The following ACACA variants were observed in gnomAD, a reference collection of about 807,000 sequenced individuals.
ACACA encodes acetyl-CoA carboxylase 1.
Under a neutral mutation model 296.1 loss-of-function variants are expected in ACACA, and 103 were observed. That is an observed-to-expected ratio of 0.35 (90% CI 0.30 to 0.41). ACACA has a LOEUF of 0.41. ACACA is among the 10% of genes least tolerant of loss of function. The pLI is 1.00. For synonymous variants in ACACA, 953 were observed against 1,038.6 expected, an observed-to-expected ratio of 0.92 and a Z score of 1.58; for missense variants, 1,554 against 2,989.7, an observed-to-expected ratio of 0.52 and a Z score of 11.20.
intron 20 of ACACA, 76 bp downstream of exon 20, chr17:37,245,004 T>G: frequency 1.9e-6 from 3 of 1,599,420 alleles, no homozygotes; most frequent in Non-Finnish European, 2.6e-6. Context: ...AACCAAGCAT[T>G]GAAATCACTT....
intron 11 of ACACA, among the ~76,000 whole-genome samples, chr17:37,260,247 G>GTC (rs2081388087): frequency 1.5e-5 from 1 of 66,216 alleles, no homozygotes; most frequent in Non-Finnish European, 2.6e-5. Flanking sequence ...TAACTCCCAA[G>GTC]TCATATATAT....
intron 10 of ACACA, among the ~76,000 whole-genome samples, chr17:37,269,046 TAA>T (rs35990848): frequency 2.0e-4 from 24 of 121,192 alleles, no homozygotes; most frequent in African/African-American, 4.1e-4. Context: ...GAAAAAAATG[TAA>T]AAAAAAAAAA....
intron 29 of ACACA, among the ~76,000 whole-genome samples, chr17:37,215,631 C>T (rs957037488): frequency 6.6e-6 from 1 of 152,084 alleles, no homozygotes; most frequent in African/African-American, 2.4e-5. Flanking sequence ...ATGCCCAAAG[C>T]TTAGTGAAAT....
intron 18 of ACACA, chr17:37,247,768 G>T (rs1598304666): frequency 3.5e-6 from 2 of 573,812 alleles, no homozygotes; most frequent in East Asian, 3.0e-5. Context: ...TTTAACAATG[G>T]TTACTTATAA....
intron 1 of ACACA, chr17:37,376,186 C>G (rs368430689): frequency 1.4e-5 from 21 of 1,550,568 alleles, no homozygotes; most frequent in Non-Finnish European, 1.4e-5. Context: ...CTGGAAAATA[C>G]AGAGAGAGGC....
In ACACA at chr17:37,181,319, A is replaced by G; in HGVS notation, c.4814T>C (p.Leu1605Pro). 6.2e-7 allele frequency: 1 copy of G among 1,614,092 alleles called. No individual in the cohort carries two copies. Among genetic ancestry groups the G allele is most frequent in the Non-Finnish European group, 8.5e-7 (1 of 1,179,988 alleles). The change falls in exon 40 of 56, where the codon CTG becomes CCG. Residue 1605 changes from leucine (L) to proline (P), a missense_variant. By Grantham distance (98) the Leu-to-Pro change is moderately conservative. This residue lies in a region of ACACA where 553 missense variants were observed against 1,043.6 expected (regional missense o/e 0.53). Transcript: ENST00000616317. The stretch of plus-strand genomic sequence containing the variant: ...TGGAGTATTGATTAACATTCCATGC[A>G]GTGGTCCCTGTTTGTCTCCATATGC... ...FQAYGDKQGP[L>P]HGMLINTPYV... is the part of the protein sequence containing the mutation.
chr17:37,348,805 C>T (rs920485095), intron 1 of ACACA, among the ~76,000 whole-genome samples: 26 of 151,284 alleles, frequency 1.7e-4, no homozygotes, highest in African/African-American at 6.1e-4. Flanking sequence ...AAAAATTAGC[C>T]GGGGGTGGTG....
intron 45 of ACACA, chr17:37,144,360 G>C: frequency 2.1e-6 from 1 of 477,714 alleles, no homozygotes. Context: ...TTGCCCCGGC[G>C]CTGTCTCTAT....
intron 1 of ACACA, among the ~76,000 whole-genome samples, chr17:37,386,435 T>C (rs1395944498): frequency 1.3e-5 from 2 of 151,984 alleles, no homozygotes; most frequent in African/African-American, 4.8e-5. Flanking sequence ...CTACTAAAAA[T>C]ACAAAAATTA....
chr17:37,130,636 A>G (rs932288124), intron 45 of ACACA, among the ~76,000 whole-genome samples: 10 of 152,270 alleles, frequency 6.6e-5, no homozygotes, highest in African/African-American at 2.2e-4. Flanking sequence ...TCATGGTTGC[A>G]ATTTTAAAAC....
At position 37,268,725 on chromosome 17, in the gene ACACA, CTATCTATCTATCTATCTATA is replaced by C. The variant is rs1425693274; in HGVS notation, c.1119+2006_1119+2025del. On this transcript the variant is annotated intron_variant, in intron 10 of 55. Transcript: ENST00000616317. ...TATATCTATATCTATATCTATCTAT[CTATCTATCTATCTATCTATA>C]TATATATATATATATATATATATCT... Among the ~76,000 whole-genome samples the C allele has an allele frequency of 3.4e-4, 38 of 111,638 alleles. 1 individual carries two copies. Among genetic ancestry groups the C allele is most frequent in the African/African-American group, 1.3e-3 (30 of 23,836 alleles). The allele number at this position is 111,638 out of a possible 152,430, so 73.2% of individuals were successfully genotyped here.
intron 2 of ACACA, among the ~76,000 whole-genome samples, chr17:37,333,334 G>A (rs746865255): frequency 8.0e-5 from 12 of 150,038 alleles, no homozygotes; most frequent in South Asian, 2.3e-4. Flanking sequence ...TTACACTGCC[G>A]GTGTCATCAG....
At chr17:37,309,982 C>T (rs572620416) in intron 3 of ACACA, among the ~76,000 whole-genome samples, 48 of 152,176 alleles carry the variant, frequency 3.2e-4, no homozygotes, top group Middle Eastern at 3.4e-3. Flanking sequence ...CTTGAGGCTG[C>T]AGTGAGTCCT....
intron 1 of ACACA, among the ~76,000 whole-genome samples, chr17:37,381,913 C>T (rs1243754487): frequency 6.6e-6 from 1 of 152,184 alleles, no homozygotes; most frequent in African/African-American, 2.4e-5. Flanking sequence ...AGGCGTGAGC[C>T]ACTGCACCCG....
In ACACA at chr17:37,101,086, G is replaced by GAA. The variant is rs769214258; in HGVS notation, c.6566-3104_6566-3103dup. On this transcript the variant is annotated intron_variant, in intron 52 of 55. Coordinates refer to ENST00000616317, the MANE Select transcript of ACACA (RefSeq NM_198834.3). ...CACTCCAGCCTGAGTGACTGTCTCA[G>GAA]AAAAAAAAAAAAAAAAAAAGGCAAG... is the stretch of plus-strand genomic sequence containing the variant. 2.8e-4 allele frequency among the ~76,000 whole-genome samples: 16 copies of GAA among 56,358 alleles called. No individual in the cohort carries two copies. In the East Asian group the frequency reaches 3.2e-3, roughly 11 times the overall value. 37.0% of individuals were successfully genotyped at this position (56,358 alleles called of 152,430 possible).
At chr17:37,232,376 A>C (rs1244471129) in intron 25 of ACACA, among the ~76,000 whole-genome samples, 1 of 152,226 alleles carries the variant, frequency 6.6e-6, no homozygotes, top group Admixed American at 6.5e-5. Flanking sequence ...TGGGGGAGTC[A>C]AAGTGCTACC....
intron 3 of ACACA, among the ~76,000 whole-genome samples, chr17:37,290,845 G>A (rs2083015020): frequency 6.6e-6 from 1 of 152,106 alleles, no homozygotes; most frequent in African/African-American, 2.4e-5. Context: ...CACTTTGGGA[G>A]GCTGAGGTAG....
At chr17:37,110,554 G>A (rs1313345567) in intron 52 of ACACA, among the ~76,000 whole-genome samples, 1 of 152,198 alleles carries the variant, frequency 6.6e-6, no homozygotes, top group East Asian at 1.9e-4. Context: ...CACCGTGTTT[G>A]GCAGGCAACC....
intron 41 of ACACA, among the ~76,000 whole-genome samples, chr17:37,176,081 A>C (rs1367668660): frequency 6.6e-6 from 1 of 152,168 alleles, no homozygotes; most frequent in Non-Finnish European, 1.5e-5. Flanking sequence ...TTACCTATTT[A>C]CTGTCCTGGA....
Sources: gnomAD v4.1 joint callset for allele counts (sites outside exome capture counted in the v4.1 genomes callset) on GRCh38, gnomAD v4.1.1 for gene constraint, gnomAD v4.1.1 regional missense constraint, MANE v1.5 for transcripts, NCBI Gene and HGNC (gene_info 2026-07-23, HGNC 2026-07-21) for gene names.